EYS: variants seen among roughly 807,000 people sequenced by gnomAD.
The protein encoded by EYS is protein eyes shut homolog.
EYS carries 250 observed loss-of-function variants against 282.1 expected under a neutral mutation model. The observed-to-expected ratio is 0.89, with a 90% CI of 0.80 to 0.98. The LOEUF is 0.98. Ranked by LOEUF, EYS falls within the 50% of genes least tolerant of loss-of-function variation. EYS has a pLI of 0.00. For missense variants in EYS, 4,016 were observed against 3,709.0 expected, an observed-to-expected ratio of 1.08 and a Z score of -2.15; for synonymous variants, 1,355 against 1,282.9, an observed-to-expected ratio of 1.06 and a Z score of -1.20.
At chr6:65,615,595 C>T (rs908167210) in intron 2 of EYS, among the ~76,000 whole-genome samples, 7 of 150,234 alleles carry the variant, frequency 4.7e-5, no homozygotes, top group African/African-American at 1.7e-4. Flanking sequence ...GTATGTTTTC[C>T]CCCAGGGCAT....
chr6:65,171,941 T>C (rs908602678), intron 12 of EYS, among the ~76,000 whole-genome samples: 4 of 151,500 alleles, frequency 2.6e-5, no homozygotes, highest in Admixed American at 2.0e-4. Flanking sequence ...ATGAATATTA[T>C]GAGTTAACAG....
chr6:65,329,961 T>C, intron 11 of EYS: 2 of 977,094 alleles, frequency 2.0e-6, no homozygotes. Flanking sequence ...TATTTAACAT[T>C]ACACAGAAAA....
rs140153324 is a variant in EYS at position 64,701,759 on chromosome 6, G to A, written c.3444-75514C>T. Among the ~76,000 whole-genome samples the A allele has an allele frequency of 2.4e-3, 359 of 152,032 alleles. 2 individuals are homozygous for A. The highest frequency in any genetic ancestry group is 8.0e-3 in the African/African-American group (334 of 41,512). Reference sequence around the variant, plus strand: ...GTACAATGTAAGTTATTCAGGTAACGGGTACAGTAAAAGCCCAGACTTCAC... The same window carrying A: ...GTACAATGTAAGTTATTCAGGTAACAGGTACAGTAAAAGCCCAGACTTCAC... On this transcript the variant is annotated intron_variant, in intron 22 of 42. Coordinates refer to ENST00000503581, the MANE Select transcript of EYS (RefSeq NM_001142800.2).
chr6:64,147,262 A>C (rs1774551127), intron 31 of EYS, among the ~76,000 whole-genome samples: 1 of 152,180 alleles, frequency 6.6e-6, no homozygotes, highest in Non-Finnish European at 1.5e-5. Flanking sequence ...CTTTGTGAAC[A>C]AATCACTAAT....
intron 36 of EYS, among the ~76,000 whole-genome samples, chr6:63,811,890 T>C (rs1323091275): frequency 6.6e-6 from 1 of 152,194 alleles, no homozygotes; most frequent in Admixed American, 6.5e-5. Flanking sequence ...TATGTTAACT[T>C]CATCTTCAAA....
intron 26 of EYS, among the ~76,000 whole-genome samples, chr6:64,489,294 T>C (rs1247184206): frequency 6.6e-6 from 1 of 150,814 alleles, no homozygotes; most frequent in Non-Finnish European, 1.5e-5. Context: ...GGATTTTAAC[T>C]GTGGTTAAGG....
intron 29 of EYS, among the ~76,000 whole-genome samples, chr6:64,379,877 G>A (rs1049474985): frequency 1.3e-5 from 2 of 151,982 alleles, no homozygotes; most frequent in Non-Finnish European, 2.9e-5. Flanking sequence ...AAAAAATAAC[G>A]TAGTCCAACT....
At chr6:63,828,083 C>A (rs982565623) in intron 36 of EYS, among the ~76,000 whole-genome samples, 1 of 152,028 alleles carries the variant, frequency 6.6e-6, no homozygotes, top group Non-Finnish European at 1.5e-5. Context: ...TGGGGTACAG[C>A]AAAGACAGTG....
At chr6:65,060,092 C>T (rs1773524256) in intron 12 of EYS, among the ~76,000 whole-genome samples, 1 of 151,970 alleles carries the variant, frequency 6.6e-6, no homozygotes, top group Non-Finnish European at 1.5e-5. Flanking sequence ...AAATAGCTAA[C>T]AATTTCAGCC....
intron 22 of EYS, among the ~76,000 whole-genome samples, chr6:64,774,107 T>G (rs1463030702): frequency 6.6e-6 from 1 of 151,906 alleles, no homozygotes; most frequent in African/African-American, 2.4e-5. Flanking sequence ...TACACATACT[T>G]ATGCATTTTG....
At chr6:65,175,460 T>C (rs1293687842) in intron 12 of EYS, among the ~76,000 whole-genome samples, 1 of 151,228 alleles carries the variant, frequency 6.6e-6, no homozygotes, top group East Asian at 2.0e-4. Flanking sequence ...ATTTGAGTGG[T>C]ATGAGAAAGA....
Position 65,134,294 on chromosome 6 carries a change from G to A in EYS, c.2024-76567C>T, listed in dbSNP as rs575039004. 9.2e-5 allele frequency among the ~76,000 whole-genome samples: 14 copies of A among 152,146 alleles called. No individual in the cohort carries two copies. The South Asian group carries it at 2.9e-3, about 32-fold the overall frequency. ...CATACTACCATAAAGACACATGCAT[G>A]CAAATATTAATTGCAGCTCTATTCA... is the stretch of plus-strand genomic sequence containing the variant. On this transcript the variant is annotated intron_variant, in intron 12 of 42. Transcript: ENST00000503581.
intron 12 of EYS, among the ~76,000 whole-genome samples, chr6:65,082,900 A>G (rs1419320993): frequency 6.6e-6 from 1 of 152,048 alleles, no homozygotes; most frequent in Non-Finnish European, 1.5e-5. Context: ...ATGGACTGTA[A>G]TTTATTTGCT....
intron 33 of EYS, among the ~76,000 whole-genome samples, chr6:64,011,570 G>A (rs1003494327): frequency 3.3e-5 from 5 of 151,260 alleles, no homozygotes; most frequent in Admixed American, 3.3e-4. Flanking sequence ...TATTTCAAAA[G>A]CACATAAGTA....
chr6:63,726,512 ATCTTACCTGATTGGGCTTT>A lies in EYS; in HGVS notation c.8221_8233+6del. ...CATTCTGCAAACAAACAGCCTGCCAATCTTACCTGATTGGGCTTTTAAGTGTTGTGCAGCATAAAATAGG... is the reference window on the plus strand; with the variant it reads ...CATTCTGCAAACAAACAGCCTGCCAATAAGTGTTGTGCAGCATAAAATAGG... On this transcript the variant is annotated splice_donor_variant and splice_donor_5th_base_variant and coding_sequence_variant and intron_variant, in exon 42 of 43. Transcript: ENST00000503581. LOFTEE classifies it high-confidence loss of function. 1.9e-6 allele frequency: 3 copies of A among 1,547,746 alleles called. No individual in the cohort carries two copies. The highest frequency in any genetic ancestry group is 2.6e-6 in the Non-Finnish European group (3 of 1,145,196).
At chr6:65,622,762 T>C (rs933849337) in intron 2 of EYS, among the ~76,000 whole-genome samples, 3 of 151,916 alleles carry the variant, frequency 2.0e-5, no homozygotes, top group Non-Finnish European at 2.9e-5. Context: ...TTTCTTTTTT[T>C]TTTTTTTCTG....
At chr6:65,451,121 T>A (rs1261224044) in intron 5 of EYS, among the ~76,000 whole-genome samples, 1 of 152,062 alleles carries the variant, frequency 6.6e-6, no homozygotes, top group African/African-American at 2.4e-5. Flanking sequence ...TTTTCTAGAT[T>A]AATAGAATTT....
chr6:65,643,963 C>T (rs893804702), intron 1 of EYS, among the ~76,000 whole-genome samples: 9 of 151,936 alleles, frequency 5.9e-5, no homozygotes, highest in South Asian at 2.1e-4. Flanking sequence ...CATAGTCTAC[C>T]CAATGAGAAG....
At chr6:64,239,677 G>T (rs569812111) in intron 30 of EYS, among the ~76,000 whole-genome samples, 155 of 149,160 alleles carry the variant, frequency 1.0e-3, no homozygotes, top group South Asian at 2.1e-3. Context: ...TGGATAGATT[G>T]TAAACATTTT....
Sources: allele counts gnomAD v4.1 joint callset (sites outside exome capture counted in the v4.1 genomes callset), GRCh38; gene constraint gnomAD v4.1.1; transcripts MANE v1.5; gene names NCBI Gene and HGNC (gene_info 2026-07-23, HGNC 2026-07-21).